The following SEPTIN6 variants were observed in gnomAD, a reference collection of about 807,000 sequenced individuals.
SEPTIN6 encodes the protein septin 6.
In SEPTIN6, 8 loss-of-function variants were observed where a neutral mutation model predicts 33.6. The observed-to-expected ratio is 0.24, with a 90% CI of 0.14 to 0.43. The LOEUF (loss-of-function observed/expected upper bound fraction) is 0.43. Ranked by LOEUF, SEPTIN6 falls within the 20% of genes least tolerant of loss-of-function variation. SEPTIN6 has a pLI of 1.00. For missense variants in SEPTIN6, 250 were observed against 340.8 expected (o/e 0.73, Z 2.10); for synonymous variants, 131 against 140.0 (o/e 0.94, Z 0.45).
intron 5 of SEPTIN6, among the ~76,000 whole-genome samples, chrX:119,649,111 ATTT>A (rs200217501): frequency 0.041 from 3,087 of 75,050 alleles, 24 homozygotes; most frequent in South Asian, 0.081. Context: ...CATAACGCTG[ATTT>A]TTTTTTTTTT....
At chrX:119,632,273 G>A (rs1177115287) in intron 8 of SEPTIN6, among the ~76,000 whole-genome samples, 2 of 109,451 alleles carry the variant, frequency 1.8e-5, no homozygotes, top group Non-Finnish European at 3.8e-5. Flanking sequence ...TCGGCTCACT[G>A]CAAGCTCCGC....
At chrX:119,635,008 C>CAAAAAAAAAAAA in intron 7 of SEPTIN6, 1 of 149,490 alleles carries the variant, frequency 6.7e-6, no homozygotes, top group Non-Finnish European at 1.2e-5. Flanking sequence ...GACTCTGTCT[C>CAAAAAAAAAAAA]AAAAAAAAAA....
chrX:119,636,837 C>T (rs1444902172), intron 7 of SEPTIN6, among the ~76,000 whole-genome samples, 190 bp downstream of exon 7: 1 of 111,069 alleles, frequency 9.0e-6, no homozygotes, highest in Admixed American at 9.6e-5. Flanking sequence ...CCCCACAGCT[C>T]TCCTGGCAGG....
At chrX:119,620,549 G>C (rs866611112) in intron 10 of SEPTIN6, among the ~76,000 whole-genome samples, 23 of 110,116 alleles carry the variant, frequency 2.1e-4, no homozygotes, top group Middle Eastern at 4.7e-3. Context: ...TCGATCTCCT[G>C]ACCTCATGAT....
chrX:119,685,998 C>T (rs773173319), intron 1 of SEPTIN6, among the ~76,000 whole-genome samples: 34 of 111,891 alleles, frequency 3.0e-4, no homozygotes, highest in East Asian at 2.5e-3. Context: ...CAAATATCCC[C>T]ACCTCAGGCC....
intron 2 of SEPTIN6, among the ~76,000 whole-genome samples, chrX:119,669,384 G>A (rs1456163196): frequency 8.9e-6 from 1 of 112,604 alleles, no homozygotes; most frequent in African/African-American, 3.2e-5. Flanking sequence ...AGTTCTGAAT[G>A]TTGAACCCAG....
intron 2 of SEPTIN6, among the ~76,000 whole-genome samples, chrX:119,670,904 C>T (rs2054734156): frequency 9.5e-6 from 1 of 105,606 alleles, no homozygotes; most frequent in Non-Finnish European, 1.9e-5. Flanking sequence ...TGCCATCGCA[C>T]TCCAGCCTGG....
rs187681951 is a variant in SEPTIN6, at chrX:119,618,810, G to C, written c.*1283C>G. ...TACTGCAAAGGAAGGGCAGAGAGAC[G>C]GCATGTTAGCCACAGATCATTGCCA... On this transcript the variant is annotated 3_prime_UTR_variant, in exon 11 of 11. Transcript: ENST00000394610. 236 of 1,207,882 alleles carry C rather than the reference G, an allele frequency of 2.0e-4. No homozygotes were observed. In the African/African-American group the frequency reaches 3.4e-3, roughly 17 times the overall value.
chrX:119,626,926 A>G (rs1427657866), intron 9 of SEPTIN6, among the ~76,000 whole-genome samples: 1 of 111,489 alleles, frequency 9.0e-6, no homozygotes, highest in Non-Finnish European at 1.9e-5. Flanking sequence ...ACCTCAGGTG[A>G]TCTGCCTGCG....
At chrX:119,659,652 G>T (rs1406702938) in intron 3 of SEPTIN6, among the ~76,000 whole-genome samples, 1 of 111,629 alleles carries the variant, frequency 9.0e-6, no homozygotes, top group African/African-American at 3.3e-5. Context: ...TCTAAGGTAG[G>T]TAGTATTATT....
chrX:119,690,403 G>A (rs981994205), intron 1 of SEPTIN6, among the ~76,000 whole-genome samples: 9 of 105,475 alleles, frequency 8.5e-5, no homozygotes, highest in Non-Finnish European at 1.4e-4. Context: ...GCACTTACTC[G>A]CATGGTACCA....
chrX:119,674,895 C>G (rs941009899), intron 2 of SEPTIN6, among the ~76,000 whole-genome samples: 1 of 110,963 alleles, frequency 9.0e-6, no homozygotes, highest in Non-Finnish European at 1.9e-5. Context: ...AGATGCAGCT[C>G]CCACTGTTGA....
intron 10 of SEPTIN6, 132 bp from the exon 11 acceptor site, chrX:119,620,183 A>G: frequency 9.7e-6 from 5 of 516,981 alleles, no homozygotes; most frequent in Non-Finnish European, 1.6e-5. Flanking sequence ...GATGGTCTTA[A>G]GGTCTTATTG....
chrX:119,625,466 A>C, intron 9 of SEPTIN6, 87 bp from the exon 10 acceptor site: 1 of 884,419 alleles, frequency 1.1e-6, no homozygotes, highest in Non-Finnish European at 1.7e-6. Context: ...GAAGGGTTAG[A>C]GGTCAAAGGT....
chrX:119,678,528 A>AAAT (rs1556331971), intron 1 of SEPTIN6, among the ~76,000 whole-genome samples: 6 of 109,994 alleles, frequency 5.5e-5, no homozygotes, highest in African/African-American at 2.0e-4. Flanking sequence ...CAAAAAAAAA[A>AAAT]AAATAAATAA....
chrX:119,673,383 G>A (rs776356075), intron 2 of SEPTIN6, among the ~76,000 whole-genome samples: 2 of 111,068 alleles, frequency 1.8e-5, no homozygotes, highest in Non-Finnish European at 3.8e-5. Context: ...CAAAGTTGGT[G>A]TGTGGGAGTG....
At chrX:119,675,224 C>T (rs3747450) in intron 2 of SEPTIN6, among the ~76,000 whole-genome samples, 36,977 of 109,752 alleles carry the variant, frequency 0.34, 6,460 homozygotes, top group African/African-American at 0.68. Flanking sequence ...CCCCTCCCTC[C>T]CAATTCTGCC....
At position 119,629,380 on chromosome X, in the gene SEPTIN6, G is replaced by A. The variant is rs758214933; in HGVS notation, c.1218C>T (p.Leu406=). Residue 406 remains leucine (L), a synonymous_variant, in exon 9 of 11, where the codon CTC becomes CTT. Transcript: ENST00000394610. ...FKQRKTAAEL[L]QSQGSQAGGS... Reference sequence around the variant, plus strand: ...CTCCAGCCTGGGAGCCCTGGGACTGGAGCAGCTCAGCCGCCGTCTTTCTTT... The same window carrying A: ...CTCCAGCCTGGGAGCCCTGGGACTGAAGCAGCTCAGCCGCCGTCTTTCTTT... The A allele has an allele frequency of 6.6e-6, 8 of 1,209,962 alleles. No homozygotes were observed. The South Asian group carries it at 1.4e-4, about 21-fold the overall frequency.
intron 2 of SEPTIN6, among the ~76,000 whole-genome samples, chrX:119,664,833 T>G (rs1304992537): frequency 4.5e-5 from 3 of 67,046 alleles, no homozygotes; most frequent in African/African-American, 2.2e-4. Context: ...AGAGTGAGAC[T>G]CCATCTCAAA....
Sources: gnomAD v4.1 joint callset for allele counts (sites outside exome capture counted in the v4.1 genomes callset) on GRCh38, gnomAD v4.1.1 for gene constraint, MANE v1.5 for transcripts, NCBI Gene and HGNC (gene_info 2026-07-23, HGNC 2026-07-21) for gene names.